The following TIAM1 variants were observed in gnomAD, a reference collection of about 807,000 sequenced individuals.
TIAM1 encodes the protein TIAM Rac1 associated GEF 1, also known as rho guanine nucleotide exchange factor TIAM1.
TIAM1 carries 65 observed loss-of-function variants against 163.5 expected under a neutral mutation model. That is an observed-to-expected ratio of 0.40 (90% CI 0.33 to 0.49). TIAM1 has a LOEUF of 0.49. Among genes scored for constraint, TIAM1 ranks in the 20% least tolerant of loss-of-function variants. The probability of loss-of-function intolerance (pLI) is 0.77; values close to 1 mark genes in which losing one functional copy is unlikely to be tolerated. For missense variants in TIAM1, 1,789 were observed against 2,044.7 expected, an observed-to-expected ratio of 0.87 and a Z score of 2.41; for synonymous variants, 833 against 810.1, an observed-to-expected ratio of 1.03 and a Z score of -0.48.
intron 2 of TIAM1, among the ~76,000 whole-genome samples, chr21:31,403,368 C>T (rs1439573115): frequency 6.6e-6 from 1 of 152,100 alleles, no homozygotes; most frequent in Admixed American, 6.5e-5. Context: ...AGGATGGTCT[C>T]GATCTCTTGA....
chr21:31,506,868 G>A (rs1411193584), intron 1 of TIAM1, among the ~76,000 whole-genome samples: 2 of 152,178 alleles, frequency 1.3e-5, no homozygotes, highest in Non-Finnish European at 2.9e-5. Context: ...AGTGAGCCGA[G>A]ATCGTGCCAC....
intron 1 of TIAM1, among the ~76,000 whole-genome samples, chr21:31,464,916 A>C (rs1403804300): frequency 6.6e-6 from 1 of 151,384 alleles, no homozygotes; most frequent in Non-Finnish European, 1.5e-5. Flanking sequence ...AGGCTGAGAC[A>C]CGAGAATTGA....
chr21:31,250,627 C>T (rs1339147781), intron 5 of TIAM1, among the ~76,000 whole-genome samples: 1 of 152,228 alleles, frequency 6.6e-6, no homozygotes, highest in Non-Finnish European at 1.5e-5. Flanking sequence ...TAAGCCCAGG[C>T]TTCTTCCTCT....
intron 1 of TIAM1, among the ~76,000 whole-genome samples, chr21:31,491,875 TTAAAGA>T (rs1401626128): frequency 6.6e-6 from 1 of 152,138 alleles, no homozygotes; most frequent in Non-Finnish European, 1.5e-5. Context: ...AATCATCTTG[TTAAAGA>T]TAAGAATTTC....
At chr21:31,317,906 A>G (rs2075182998) in intron 2 of TIAM1, among the ~76,000 whole-genome samples, 1 of 152,222 alleles carries the variant, frequency 6.6e-6, no homozygotes, top group African/African-American at 2.4e-5. Flanking sequence ...TCTTATTCAT[A>G]TTCTCAGGCA....
At chr21:31,278,442 C>A (rs2073400285) in intron 2 of TIAM1, among the ~76,000 whole-genome samples, 1 of 152,166 alleles carries the variant, frequency 6.6e-6, no homozygotes, top group Admixed American at 6.5e-5. Flanking sequence ...AAAAGAAAGG[C>A]CTGAAGGGCC....
At chr21:31,229,273 G>A (rs534339459) in intron 6 of TIAM1, among the ~76,000 whole-genome samples, 1 of 152,048 alleles carries the variant, frequency 6.6e-6, no homozygotes, top group Non-Finnish European at 1.5e-5. Flanking sequence ...GGGTGCTGGT[G>A]TATGACAGGG....
At chr21:31,430,864 T>A (rs919883895) in intron 2 of TIAM1, among the ~76,000 whole-genome samples, 6 of 152,194 alleles carry the variant, frequency 3.9e-5, no homozygotes, top group Admixed American at 3.3e-4. Context: ...TGTAACAGAA[T>A]TGCAAATATG....
Position 31,219,754 on chromosome 21 carries a change from A to AAAACAAAAC in TIAM1, c.1996-2056_1996-2055insGTTTTGTTT, listed in dbSNP as rs1569050622. 1.1e-3 allele frequency among the ~76,000 whole-genome samples: 160 copies of AAAACAAAAC among 139,992 alleles called. 1 individual carries two copies. The highest frequency in any genetic ancestry group is 4.9e-3 in the African/African-American group (150 of 30,464). 91.8% of individuals were successfully genotyped at this position (139,992 alleles called of 152,430 possible). The stretch of plus-strand genomic sequence containing the variant: ...GTTAAAAAAACAAAACAAAACAAAA[A>AAAACAAAAC]AAAACCCCAGATCAGGGCATAGAAA... On this transcript the variant is annotated intron_variant, in intron 8 of 27. Transcript: ENST00000541036.
chr21:31,285,947 A>G (rs2073792622), intron 2 of TIAM1, among the ~76,000 whole-genome samples: 1 of 152,230 alleles, frequency 6.6e-6, no homozygotes, highest in Non-Finnish European at 1.5e-5. Context: ...TAAGGCTATG[A>G]CATTGTAAGT....
intron 2 of TIAM1, among the ~76,000 whole-genome samples, chr21:31,413,561 C>T (rs375798956): frequency 1.3e-5 from 2 of 152,058 alleles, no homozygotes; most frequent in African/African-American, 4.8e-5. Context: ...TGAGCCACCA[C>T]GCCCGGCCCT....
intron 8 of TIAM1, among the ~76,000 whole-genome samples, chr21:31,218,826 C>G (rs2087370870): frequency 6.6e-6 from 1 of 151,950 alleles, no homozygotes; most frequent in African/African-American, 2.4e-5. Context: ...ATGTCCCTAC[C>G]TAAGCCTTTT....
chr21:31,552,670 T>A (rs1215498297), intron 1 of TIAM1, among the ~76,000 whole-genome samples: 1 of 152,080 alleles, frequency 6.6e-6, no homozygotes, highest in Non-Finnish European at 1.5e-5. Flanking sequence ...CTAGGGAGGC[T>A]GAGGCACAAG....
At chr21:31,471,260 C>G (rs1287478737) in intron 1 of TIAM1, among the ~76,000 whole-genome samples, 1 of 152,202 alleles carries the variant, frequency 6.6e-6, no homozygotes, top group African/African-American at 2.4e-5. Flanking sequence ...GTCAGCCCTT[C>G]CGGAGCCCAG....
At chr21:31,452,671 C>G (rs1602314830) in intron 2 of TIAM1, 3 of 438,268 alleles carry the variant, frequency 6.8e-6, no homozygotes, top group Non-Finnish European at 1.3e-5. Context: ...CTTTTAATAT[C>G]TCCAGAATAT....
intron 2 of TIAM1, among the ~76,000 whole-genome samples, chr21:31,418,316 T>G (rs2043444190): frequency 1.7e-5 from 2 of 116,814 alleles, no homozygotes; most frequent in African/African-American, 6.8e-5. Flanking sequence ...CACTCCAGCC[T>G]GGGCGACAGA....
At chr21:31,479,134 T>A (rs73900107) in intron 1 of TIAM1, among the ~76,000 whole-genome samples, 4,601 of 152,300 alleles carry the variant, frequency 0.03, 239 homozygotes, top group African/African-American at 0.1. Flanking sequence ...CTGCACAACT[T>A]AGATTCCACA....
intron 4 of TIAM1, 105 bp from the exon 5 acceptor site, chr21:31,252,294 G>A (rs565676285): frequency 1.0e-5 from 13 of 1,262,348 alleles, no homozygotes; most frequent in Non-Finnish European, 1.3e-5. Flanking sequence ...CTGTAGCAGC[G>A]GGATACGCAT....
rs370632468 is a variant in TIAM1 at position 31,465,792 on chromosome 21, A to G, written c.-421-1757T>C. On this transcript the variant is annotated intron_variant, in intron 1 of 28. Transcript: ENST00000286827. ...TCACCGTGTTAGCCTGGATGGTCTC[A>G]ATCTCCTGACCTCATGATCCGCCCT... 7.8e-4 allele frequency among the ~76,000 whole-genome samples: 119 copies of G among 151,872 alleles called. 2 individuals carry two copies. In the South Asian group the frequency reaches 0.015, roughly 19 times the overall value.
Sources: allele counts gnomAD v4.1 joint callset (sites outside exome capture counted in the v4.1 genomes callset), GRCh38; gene constraint gnomAD v4.1.1; transcripts MANE v1.5; gene names NCBI Gene and HGNC (gene_info 2026-07-23, HGNC 2026-07-21).